C12orf42: variants seen among roughly 807,000 people sequenced by gnomAD.
C12orf42 encodes the protein uncharacterized protein C12orf42.
In C12orf42, 25 loss-of-function variants were observed where a neutral mutation model predicts 21.6. The observed-to-expected ratio is 1.16, with a 90% CI of 0.84 to 1.62. The LOEUF (loss-of-function observed/expected upper bound fraction) is 1.62. Ranked by LOEUF, C12orf42 falls within the 40% of genes most tolerant of loss-of-function variation. C12orf42 has a pLI of 0.00. For missense variants in C12orf42, 483 were observed against 459.3 expected (o/e 1.05, Z -0.47); for synonymous variants, 174 against 175.0 (o/e 0.99, Z 0.05).
At chr12:103,561,389 A>T in the C12orf42 span, among the ~76,000 whole-genome samples, 1 of 152,210 alleles carries the variant, frequency 6.6e-6, no homozygotes, top group Non-Finnish European at 1.5e-5. Context: ...AGAGGCTGCA[A>T]GTCCAAGATC....
At chr12:103,199,608 C>T in the C12orf42 span, among the ~76,000 whole-genome samples, 1 of 151,954 alleles carries the variant, frequency 6.6e-6, no homozygotes, top group Non-Finnish European at 1.5e-5. Context: ...TTCTATAACT[C>T]AATAGCAAAA....
At chr12:103,171,698 G>C in the C12orf42 span, among the ~76,000 whole-genome samples, 1 of 152,120 alleles carries the variant, frequency 6.6e-6, no homozygotes, top group East Asian at 1.9e-4. Flanking sequence ...TAAGATTTCA[G>C]ACTAGGGGAA....
the C12orf42 span, among the ~76,000 whole-genome samples, chr12:103,205,268 AC>A: frequency 1.3e-5 from 2 of 152,184 alleles, no homozygotes; most frequent in Non-Finnish European, 2.9e-5. Context: ...ATAAAGACAT[AC>A]CCAAACCTGG....
the C12orf42 span, among the ~76,000 whole-genome samples, chr12:103,136,618 A>G: frequency 1.6e-4 from 24 of 152,232 alleles, no homozygotes; most frequent in African/African-American, 5.8e-4. Context: ...GCATCAGACT[A>G]CCTGACTTCA....
chr12:103,328,561 A>G (rs1394895960), intron 4 of C12orf42, among the ~76,000 whole-genome samples: 1 of 152,202 alleles, frequency 6.6e-6, no homozygotes, highest in Non-Finnish European at 1.5e-5. Context: ...CTCTTTCACA[A>G]TAGGAAGATG....
chr12:103,263,256 A>C (rs891441499), intron 10 of C12orf42: 1 of 152,100 alleles, frequency 6.6e-6, no homozygotes, highest in Admixed American at 6.6e-5. Context: ...TCTATGTATC[A>C]AATCTGCATG....
chr12:103,373,413 A>AT (rs761737631), intron 3 of C12orf42, among the ~76,000 whole-genome samples: 2 of 152,092 alleles, frequency 1.3e-5, no homozygotes, highest in Non-Finnish European at 2.9e-5. Flanking sequence ...AGTCATGTTG[A>AT]TTTTGGGGCT....
At chr12:103,072,967 T>C in the C12orf42 span, among the ~76,000 whole-genome samples, 2 of 152,122 alleles carry the variant, frequency 1.3e-5, no homozygotes, top group African/African-American at 2.4e-5. Flanking sequence ...AAACACGTGG[T>C]ACATATACAT....
At chr12:103,143,218 C>T in the C12orf42 span, among the ~76,000 whole-genome samples, 12 of 152,146 alleles carry the variant, frequency 7.9e-5, no homozygotes, top group African/African-American at 2.4e-4. Context: ...TCTAAGCCAG[C>T]GACAGCATTT....
the C12orf42 span, among the ~76,000 whole-genome samples, chr12:103,516,194 C>T: frequency 6.6e-6 from 1 of 152,198 alleles, no homozygotes; most frequent in Non-Finnish European, 1.5e-5. Context: ...GCTAGCCAAT[C>T]ATTCAAAGAA....
At chr12:103,126,490 G>T in the C12orf42 span, among the ~76,000 whole-genome samples, 8 of 152,058 alleles carry the variant, frequency 5.3e-5, no homozygotes, top group African/African-American at 1.9e-4. Flanking sequence ...GTTAGTTTCA[G>T]ATCTATTAAT....
intron 10 of C12orf42, among the ~76,000 whole-genome samples, chr12:103,247,715 C>T (rs1339980558): frequency 6.6e-6 from 1 of 151,990 alleles, no homozygotes; most frequent in African/African-American, 2.4e-5. Flanking sequence ...TCTAGCTGGG[C>T]CAAGCTTCCT....
chr12:103,339,510 G>T (rs2041991801), intron 4 of C12orf42, among the ~76,000 whole-genome samples: 1 of 152,018 alleles, frequency 6.6e-6, no homozygotes, highest in Non-Finnish European at 1.5e-5. Context: ...ATCCATCCAT[G>T]TCCATAAAAA....
At chr12:103,126,061 G>C in the C12orf42 span, among the ~76,000 whole-genome samples, 1 of 152,158 alleles carries the variant, frequency 6.6e-6, no homozygotes, top group African/African-American at 2.4e-5. Flanking sequence ...GTATTCCTGC[G>C]CTGCCTTCAG....
chr12:103,370,339 T>C (rs2045079888), intron 3 of C12orf42, among the ~76,000 whole-genome samples: 1 of 152,080 alleles, frequency 6.6e-6, no homozygotes, highest in East Asian at 1.9e-4. Context: ...GAACTTAAAA[T>C]AGAATTATCA....
the C12orf42 span, among the ~76,000 whole-genome samples, chr12:103,208,469 C>CA: frequency 6.6e-6 from 1 of 152,068 alleles, no homozygotes; most frequent in Non-Finnish European, 1.5e-5. Flanking sequence ...TTGAGCCCCA[C>CA]AAAAACAATT....
At chr12:103,382,878 C>A (rs2046302488) in intron 3 of C12orf42, among the ~76,000 whole-genome samples, 2 of 152,140 alleles carry the variant, frequency 1.3e-5, no homozygotes. Flanking sequence ...AAATCACTAA[C>A]CTTTCTAGAG....
the C12orf42 span, among the ~76,000 whole-genome samples, chr12:103,088,139 T>G: frequency 6.6e-6 from 1 of 152,166 alleles, no homozygotes; most frequent in Admixed American, 6.5e-5. Flanking sequence ...AAGATAAAAA[T>G]AAGAAGCCAC....
chr12:103,547,466 G>A, the C12orf42 span, among the ~76,000 whole-genome samples: 16 of 152,290 alleles, frequency 1.1e-4, 1 homozygote, highest in African/African-American at 3.6e-4. Flanking sequence ...AAATTTAAAT[G>A]TCTTACATGG....
Sources: allele counts gnomAD v4.1 joint callset (sites outside exome capture counted in the v4.1 genomes callset), GRCh38; gene constraint gnomAD v4.1.1; transcripts MANE v1.5; gene names NCBI Gene and HGNC (gene_info 2026-07-23, HGNC 2026-07-21).